The following ACSBG1 variants were observed in gnomAD, a reference collection of about 807,000 sequenced individuals.
ACSBG1 encodes long-chain-fatty-acid--CoA ligase ACSBG1.
A neutral mutation model predicts 80.2 loss-of-function variants in ACSBG1; 39 were observed. The ratio of observed to expected loss-of-function variants is 0.49; its 90% CI spans 0.38 to 0.64. ACSBG1 has a LOEUF of 0.64. ACSBG1 is among the 30% of genes least tolerant of loss of function. The pLI is 0.00. For missense variants in ACSBG1, 828 were observed against 966.4 expected, an observed-to-expected ratio of 0.86 and a Z score of 1.90; for synonymous variants, 392 against 379.5, an observed-to-expected ratio of 1.03 and a Z score of -0.38.
chr15:78,233,170 A>G (rs955845676), intron 1 of ACSBG1, among the ~76,000 whole-genome samples: 2 of 152,158 alleles, frequency 1.3e-5, no homozygotes, highest in Non-Finnish European at 2.9e-5. Flanking sequence ...CACCTGACCT[A>G]TGCCCAGGGA....
chr15:78,233,877 T>C (rs2075470400), intron 1 of ACSBG1, among the ~76,000 whole-genome samples: 1 of 152,192 alleles, frequency 6.6e-6, no homozygotes, highest in South Asian at 2.1e-4. Flanking sequence ...TACTGGAATA[T>C]ATACAGTGGA....
At chr15:78,201,926 C>G (rs560823683) in intron 2 of ACSBG1, among the ~76,000 whole-genome samples, 5 of 152,320 alleles carry the variant, frequency 3.3e-5, no homozygotes, top group African/African-American at 1.2e-4. Context: ...TGCAGGAGCA[C>G]TGCTCAGTGG....
chr15:78,179,099 C>T (rs902912290), intron 10 of ACSBG1: 5 of 516,376 alleles, frequency 9.7e-6, no homozygotes, highest in African/African-American at 1.9e-5. Flanking sequence ...GATATTTAAT[C>T]ATAATAGATG....
At chr15:78,199,971 C>T (rs551218889) in intron 2 of ACSBG1, among the ~76,000 whole-genome samples, 51 of 152,250 alleles carry the variant, frequency 3.3e-4, no homozygotes, top group African/African-American at 9.6e-4. Flanking sequence ...CACTGAAGGA[C>T]GCTCAAGTGG....
intron 11 of ACSBG1, among the ~76,000 whole-genome samples, chr15:78,176,565 T>C (rs1480115511): frequency 6.6e-6 from 1 of 152,102 alleles, no homozygotes; most frequent in Non-Finnish European, 1.5e-5. Flanking sequence ...TTAAGTGATA[T>C]TATTTAAAAT....
At chr15:78,180,659 A>T (rs2074932574) in intron 9 of ACSBG1, 96 bp downstream of exon 9, 2 of 1,481,794 alleles carry the variant, frequency 1.3e-6, no homozygotes, top group Admixed American at 2.0e-5. Context: ...GGCCACTGGA[A>T]CCGGGACAGG....
chr15:78,209,220 G>A (rs2075246695), intron 1 of ACSBG1: 1 of 456,002 alleles, frequency 2.2e-6, no homozygotes, highest in South Asian at 1.5e-5. Context: ...AACACACCTA[G>A]GCCCACCTGG....
chr15:78,207,281 A>T (rs2075224468), intron 2 of ACSBG1, among the ~76,000 whole-genome samples: 1 of 152,196 alleles, frequency 6.6e-6, no homozygotes, highest in Non-Finnish European at 1.5e-5. Context: ...CCCACAGCTC[A>T]GGCCAGATCC....
In ACSBG1 at chr15:78,234,283, G is replaced by T. The variant is rs1809777371; in HGVS notation, c.131+88C>A. 55 of 1,522,808 alleles carry T rather than the reference G, an allele frequency of 3.6e-5. 2 individuals carry two copies. The South Asian group carries it at 6.5e-4, about 18-fold the overall frequency. 94.3% of individuals were successfully genotyped at this position (1,522,808 alleles called of 1,614,324 possible). A position where few individuals can be genotyped will look rare whatever the true frequency, so the allele number is the denominator to read the frequency against. On this transcript the variant is annotated intron_variant, in intron 1 of 13. Coordinates refer to ENST00000258873, the MANE Select transcript of ACSBG1 (RefSeq NM_015162.5). ...GTGAAGAAACTGAGGCTCAGAGAGAGAAGCAGCTTGCCCAAGTTCACACAG... is the reference window on the plus strand; with the variant it reads ...GTGAAGAAACTGAGGCTCAGAGAGATAAGCAGCTTGCCCAAGTTCACACAG...
intron 1 of ACSBG1, among the ~76,000 whole-genome samples, chr15:78,222,620 C>T (rs2075368269): frequency 6.6e-6 from 1 of 152,184 alleles, no homozygotes; most frequent in East Asian, 1.9e-4. Flanking sequence ...AACTTCACTC[C>T]AGCCCAGGTG....
chr15:78,183,869 C>T (rs974738105), intron 5 of ACSBG1, among the ~76,000 whole-genome samples: 10 of 77,008 alleles, frequency 1.3e-4, no homozygotes, highest in Non-Finnish European at 2.3e-4. Flanking sequence ...ATAGTGAGGC[C>T]GTATCTTTGG....
In ACSBG1 at chr15:78,171,272, A is replaced by G; in HGVS notation, c.*172T>C. The G allele has an allele frequency of 3.8e-6, 2 of 523,220 alleles. No homozygotes were observed. Among genetic ancestry groups the G allele is most frequent in the Non-Finnish European group, 6.8e-6 (2 of 293,060 alleles). 32.4% of individuals were successfully genotyped at this position (523,220 alleles called of 1,614,324 possible). On this transcript the variant is annotated 3_prime_UTR_variant, in exon 14 of 14. Transcript: ENST00000258873. ...ACACGTGAAGCTTCTTGGAATTGTC[A>G]GCTATTGTTGGCGTAAGACCTGGTA...
At position 78,182,471 on chromosome 15, in the gene ACSBG1, C is replaced by A; in HGVS notation, c.889G>T (p.Asp297Tyr). ...CCACCGGGCATCTGTCCTACATTGT[C>A]TTGACTCAGCATCACGCCCTTGGGG... ...GNPKGVMLSQ[D>Y]NITWTARYGS... is the part of the protein sequence containing the mutation. Residue 297 changes from aspartate (D) to tyrosine (Y), a missense_variant, in exon 7 of 14, where the codon GAC becomes TAC. By Grantham distance (160) the Asp-to-Tyr change is radical. Transcript: ENST00000258873. The A allele has an allele frequency of 3.1e-6, 5 of 1,614,030 alleles. No homozygotes were observed. The highest frequency in any genetic ancestry group is 4.2e-6 in the Non-Finnish European group (5 of 1,179,992).
At chr15:78,191,852 G>A (rs1184349994) in intron 5 of ACSBG1, among the ~76,000 whole-genome samples, 6 of 152,280 alleles carry the variant, frequency 3.9e-5, no homozygotes, top group East Asian at 1.9e-4. Flanking sequence ...GCACTTATAT[G>A]GTGCTGCCAT....
In ACSBG1 at chr15:78,208,016, T is replaced by C; in HGVS notation, c.218A>G (p.Gln73Arg). Reference protein sequence around the residue: ...LSVPEKVNNAQWDAPEEALWT... With the variant: ...LSVPEKVNNARWDAPEEALWT... ...AGCTGGCTTACCTGGAGCATCCCAC[T>C]GGGCATTATTCACCTTCTCTGGCAC... Residue 73 changes from glutamine to arginine, a missense_variant, in exon 2 of 14, where the codon CAG (glutamine) becomes CGG (arginine). Physicochemically the swap from Gln to Arg is conservative, Grantham distance 43 (BLOSUM62 1). Around this residue, in one of 3 missense-constraint regions of ACSBG1, gnomAD observed 356 missense variants for 363.5 expected, o/e 0.98. Coordinates refer to ENST00000258873, the MANE Select transcript of ACSBG1 (RefSeq NM_015162.5). The C allele has an allele frequency of 7.1e-7, 1 of 1,404,904 alleles. No homozygotes were observed. Among genetic ancestry groups the C allele is most frequent in the Non-Finnish European group, 9.6e-7 (1 of 1,046,982 alleles). The allele number at this position is 1,404,904 out of a possible 1,614,324, so 87.0% of individuals were successfully genotyped here. A position where few individuals can be genotyped will look rare whatever the true frequency, so the allele number is the denominator to read the frequency against.
intron 5 of ACSBG1, among the ~76,000 whole-genome samples, chr15:78,193,256 T>C (rs1199585033): frequency 1.3e-5 from 2 of 152,238 alleles, no homozygotes; most frequent in East Asian, 1.9e-4. Flanking sequence ...TGGAAGGCAG[T>C]GGCTGGACAG....
chr15:78,173,156 A>G lies in ACSBG1; in HGVS notation c.2089+437T>C, dbSNP rs1020924631. ...AGGTCGGGAGTTCGAGACCAGCCTG[A>G]CCAACATGGAGAAACCATGTCTCTA... On this transcript the variant is annotated intron_variant, in intron 13 of 13. Coordinates refer to ENST00000258873, the MANE Select transcript of ACSBG1 (RefSeq NM_015162.5). 6.6e-5 allele frequency among the ~76,000 whole-genome samples: 10 copies of G among 151,788 alleles called. No homozygotes were observed. The East Asian group carries it at 7.8e-4, about 12-fold the overall frequency.
intron 1 of ACSBG1, among the ~76,000 whole-genome samples, chr15:78,213,088 C>T (rs1377625623): frequency 6.6e-6 from 1 of 152,200 alleles, no homozygotes; most frequent in East Asian, 1.9e-4. Context: ...AGAATGTTCT[C>T]CATGGAAGGT....
At position 78,178,625 on chromosome 15, in the gene ACSBG1, C is replaced by G. The variant is rs1424176389; in HGVS notation, c.1691G>C (p.Gly564Ala). 6.2e-7 allele frequency: 1 copy of G among 1,611,492 alleles called. No individual in the cohort carries two copies. The highest frequency in any genetic ancestry group is 1.1e-5 in the South Asian group (1 of 90,870). ...LDADGFLYIT[G>A]RLKELIITAG... Reference sequence around the variant, plus strand: ...CCTGGGGTGCTCACCTTTGAGGCGCCCAGTGATGTAGAGGAAGCCATCGGC... The same window carrying G: ...CCTGGGGTGCTCACCTTTGAGGCGCGCAGTGATGTAGAGGAAGCCATCGGC... Residue 564 changes from glycine (G) to alanine (A), a missense_variant, in exon 11 of 14, where the codon GGG becomes GCG. Physicochemically the swap from Gly to Ala is moderately conservative, Grantham distance 60. Coordinates refer to ENST00000258873, the MANE Select transcript of ACSBG1 (RefSeq NM_015162.5). The surrounding 1 kb of genome is among the most constrained non-coding windows in gnomAD (Gnocchi z 4.3).
Sources: gnomAD v4.1 joint callset for allele counts (sites outside exome capture counted in the v4.1 genomes callset) on GRCh38, gnomAD v4.1.1 for gene constraint, gnomAD v4.1.1 regional missense constraint, Gnocchi (gnomAD v3.1) non-coding constraint, MANE v1.5 for transcripts, NCBI Gene and HGNC (gene_info 2026-07-23, HGNC 2026-07-21) for gene names.